SIPA1L2: variants seen among roughly 807,000 people sequenced by gnomAD.
SIPA1L2 encodes the protein signal induced proliferation associated 1 like 2.
SIPA1L2 carries 56 observed loss-of-function variants against 163.9 expected under a neutral mutation model. The observed-to-expected ratio is 0.34, with a 90% CI of 0.28 to 0.43. SIPA1L2 has a LOEUF of 0.43. SIPA1L2 is among the 20% of genes least tolerant of loss of function. The pLI is 1.00. For synonymous variants in SIPA1L2, 877 were observed against 865.7 expected (o/e 1.01, Z -0.23); for missense variants, 1,974 against 2,193.5 (o/e 0.90, Z 2.00).
At chr1:232,480,926 C>T (rs1326892540) in intron 6 of SIPA1L2, among the ~76,000 whole-genome samples, 1 of 151,938 alleles carries the variant, frequency 6.6e-6, no homozygotes, top group East Asian at 1.9e-4. Context: ...TATTCATATC[C>T]AATTCAGAAA....
At chr1:232,563,424 G>A (rs1659157790) in intron 2 of SIPA1L2, among the ~76,000 whole-genome samples, 1 of 152,122 alleles carries the variant, frequency 6.6e-6, no homozygotes, top group African/African-American at 2.4e-5. Flanking sequence ...AACAGAGGTG[G>A]GGTGCATGAC....
chr1:232,427,200 T>C (rs563890535), intron 17 of SIPA1L2, among the ~76,000 whole-genome samples: 31 of 152,372 alleles, frequency 2.0e-4, no homozygotes, highest in Admixed American at 1.6e-3. Context: ...TACAGTATCA[T>C]GTACATGACT....
intron 1 of SIPA1L2, among the ~76,000 whole-genome samples, chr1:232,592,998 T>C (rs1661045913): frequency 6.6e-6 from 1 of 152,132 alleles, no homozygotes; most frequent in South Asian, 2.1e-4. Context: ...GCTGGACACA[T>C]TCAGGTAGAT....
rs564555611 is a variant in SIPA1L2 at position 232,424,895 on chromosome 1, T to C, written c.4630+694A>G. Reference sequence around the variant, plus strand: ...CATTTTTTCTGTACAAAAATAACTATGTATAAAGGAAATAAGGCTAACATA... The same window carrying C: ...CATTTTTTCTGTACAAAAATAACTACGTATAAAGGAAATAAGGCTAACATA... On this transcript the variant is annotated intron_variant, in intron 18 of 22. Coordinates refer to ENST00000674635, the MANE Select transcript of SIPA1L2 (RefSeq NM_020808.5). 1.1e-3 allele frequency among the ~76,000 whole-genome samples: 169 copies of C among 152,196 alleles called. 1 individual carries two copies. Among genetic ancestry groups the C allele is most frequent in the African/African-American group, 3.8e-3 (159 of 41,516 alleles).
chr1:232,415,356 C>T, intron 19 of SIPA1L2, 138 bp downstream of exon 19: 1 of 1,083,012 alleles, frequency 9.2e-7, no homozygotes, highest in Non-Finnish European at 1.3e-6. Context: ...TGCTTGTTTT[C>T]ATCATCCAAC....
chr1:232,431,164 A>T (rs1662215144), intron 16 of SIPA1L2, among the ~76,000 whole-genome samples: 1 of 152,240 alleles, frequency 6.6e-6, no homozygotes, highest in Non-Finnish European at 1.5e-5. Context: ...CACAGAACTT[A>T]AAAAAGGCTT....
intron 2 of SIPA1L2, among the ~76,000 whole-genome samples, chr1:232,533,996 T>C (rs1331739115): frequency 2.6e-5 from 4 of 151,934 alleles, no homozygotes; most frequent in Non-Finnish European, 4.4e-5. Flanking sequence ...GTAATCCCTA[T>C]CAAAATCCCA....
rs747096661 is a variant in SIPA1L2, at chr1:232,515,270, G to A, written c.70C>T (p.Pro24Ser). The A allele has an allele frequency of 2.0e-5, 33 of 1,613,612 alleles. No individual in the cohort carries two copies. Among genetic ancestry groups the A allele is most frequent in the Non-Finnish European group, 2.8e-5 (33 of 1,179,820 alleles). Reference sequence around the variant, plus strand: ...TCATCTGACTGCATGATTCTAGGGGGATCCTTGAACTTTGAAGAGGCTCTG... The same window carrying A: ...TCATCTGACTGCATGATTCTAGGGGAATCCTTGAACTTTGAAGAGGCTCTG... ...LGRASSKFKD[P>S]PRIMQSDDYF... The change falls in exon 3 of 23, where the codon CCC becomes TCC. Residue 24 changes from proline to serine, a missense_variant. Physicochemically the swap from Pro to Ser is moderately conservative, Grantham distance 74. Transcript: ENST00000674635.
chr1:232,593,708 T>C (rs1661083834), intron 1 of SIPA1L2, among the ~76,000 whole-genome samples: 1 of 150,470 alleles, frequency 6.6e-6, no homozygotes, highest in African/African-American at 2.5e-5. Flanking sequence ...AAGATACAAA[T>C]TCTCAGTAAC....
At chr1:232,619,690 C>T (rs925434311) in intron 1 of SIPA1L2, among the ~76,000 whole-genome samples, 13 of 152,174 alleles carry the variant, frequency 8.5e-5, no homozygotes, top group African/African-American at 3.1e-4. Flanking sequence ...TAGGGTGCCC[C>T]TGTTAACTTG....
intron 19 of SIPA1L2, among the ~76,000 whole-genome samples, chr1:232,410,980 A>C (rs1436259880): frequency 6.6e-6 from 1 of 152,168 alleles, no homozygotes; most frequent in African/African-American, 2.4e-5. Context: ...GATCAAGTGC[A>C]TCATCTTATA....
Position 232,428,538 on chromosome 1 carries a change from G to A in SIPA1L2, c.4283C>T (p.Ser1428Phe). ...CACTGTCTGATGCTGAGTTGCTGTG[G>A]ACATGACATCCATCTCACTATACAT... Reference protein sequence around the residue: ...PGMYSEMDVMSTATQHQTVVG... With the variant: ...PGMYSEMDVMFTATQHQTVVG... Residue 1428 changes from serine (S) to phenylalanine (F), a missense_variant, in exon 17 of 23, where the codon TCC becomes TTC. Physicochemically the swap from Ser to Phe is radical, Grantham distance 155. Around this residue, in one of 3 missense-constraint regions of SIPA1L2, gnomAD observed 1,079 missense variants for 1,150.7 expected, o/e 0.94. Transcript: ENST00000674635. 2 of 1,581,690 alleles carry A rather than the reference G, an allele frequency of 1.3e-6. No individual in the cohort carries two copies. Among genetic ancestry groups the A allele is most frequent in the Non-Finnish European group, 8.6e-7 (1 of 1,167,136 alleles).
At chr1:232,472,652 C>T (rs1476863796) in intron 7 of SIPA1L2, among the ~76,000 whole-genome samples, 1 of 152,212 alleles carries the variant, frequency 6.6e-6, no homozygotes, top group Non-Finnish European at 1.5e-5. Flanking sequence ...AATCCTTACA[C>T]AACTTGGTGA....
At chr1:232,541,620 A>G (rs914041519) in intron 2 of SIPA1L2, among the ~76,000 whole-genome samples, 1 of 152,210 alleles carries the variant, frequency 6.6e-6, no homozygotes, top group Non-Finnish European at 1.5e-5. Context: ...TGGTTCTTGT[A>G]CATTAAAAGT....
intron 1 of SIPA1L2, among the ~76,000 whole-genome samples, chr1:232,591,661 G>A (rs1660967927): frequency 6.6e-6 from 1 of 152,194 alleles, no homozygotes. Flanking sequence ...CAGTTTTCTA[G>A]TCTCCTTAGT....
intron 22 of SIPA1L2, among the ~76,000 whole-genome samples, chr1:232,400,264 G>T (rs879608157): frequency 6.6e-6 from 1 of 152,062 alleles, no homozygotes; most frequent in Non-Finnish European, 1.5e-5. Flanking sequence ...TCCTCACCAC[G>T]ACTCTCAGTC....
intron 1 of SIPA1L2, among the ~76,000 whole-genome samples, chr1:232,612,757 A>C (rs1174465466): frequency 6.6e-6 from 1 of 152,128 alleles, no homozygotes; most frequent in Non-Finnish European, 1.5e-5. Flanking sequence ...TTGGACTGTT[A>C]ACTTTTGGGT....
intron 2 of SIPA1L2, among the ~76,000 whole-genome samples, chr1:232,572,816 C>G (rs911721375): frequency 6.8e-6 from 1 of 146,518 alleles, no homozygotes; most frequent in African/African-American, 2.5e-5. Flanking sequence ...CAAAGTCTAG[C>G]TGCCCAGGCT....
At chr1:232,420,657 A>T (rs1003789302) in intron 18 of SIPA1L2, among the ~76,000 whole-genome samples, 1 of 152,044 alleles carries the variant, frequency 6.6e-6, no homozygotes, top group African/African-American at 2.4e-5. Context: ...AACACGGTGA[A>T]ACCCCGTCTC....
Sources: allele counts gnomAD v4.1 joint callset (sites outside exome capture counted in the v4.1 genomes callset), GRCh38; gene constraint gnomAD v4.1.1; regional missense constraint gnomAD v4.1.1; transcripts MANE v1.5; gene names NCBI Gene and HGNC (gene_info 2026-07-23, HGNC 2026-07-21).